Variants in CLIC5 observed in about 807,000 individuals in gnomAD.
CLIC5 encodes chloride intracellular channel protein 5.
CLIC5 carries 20 observed loss-of-function variants against 24.7 expected under a neutral mutation model. That is an observed-to-expected ratio of 0.81 (90% CI 0.57 to 1.18). CLIC5 has a LOEUF of 1.18. CLIC5 is among the 50% of genes most tolerant of loss of function. CLIC5 has a pLI of 0.00. For missense variants in CLIC5, 341 were observed against 326.1 expected, an observed-to-expected ratio of 1.05 and a Z score of -0.35; for synonymous variants, 159 against 135.6, an observed-to-expected ratio of 1.17 and a Z score of -1.20.
the CLIC5 span, among the ~76,000 whole-genome samples, chr6:46,112,320 T>A: frequency 6.6e-6 from 1 of 152,184 alleles, no homozygotes; most frequent in Non-Finnish European, 1.5e-5. Flanking sequence ...AAGAAACATT[T>A]ACCATCTATT....
chr6:46,009,248 T>C (rs1262090471), intron 1 of CLIC5, among the ~76,000 whole-genome samples: 1 of 152,062 alleles, frequency 6.6e-6, no homozygotes, highest in African/African-American at 2.4e-5. Context: ...CATTTCTTTT[T>C]ACAGGGAAGA....
At chr6:45,896,252 T>C (rs910434272), downstream of CLIC5, among the ~76,000 whole-genome samples, 3 of 152,244 alleles carry the variant, frequency 2.0e-5, no homozygotes, top group South Asian at 2.1e-4. Flanking sequence ...TATTGGCTTC[T>C]TTCCATTAAA....
Position 46,015,514 on chromosome 6 carries a change from T to C in CLIC5, c.29A>G (p.Asp10Gly). Reference protein sequence around the residue: MTDSATANGDDRDPEIELFV... With the variant: MTDSATANGGDRDPEIELFV... ...GAGCTCGATCTCGGGGTCCCTGTCG[T>C]CCCCGTTAGCTGTCGCCGAGTCTGT... Residue 10 changes from aspartate (D) to glycine (G), a missense_variant, in exon 1 of 6, where the codon GAC becomes GGC. Physicochemically the swap from Asp to Gly is moderately conservative, Grantham distance 94 (BLOSUM62 -1). Coordinates refer to ENST00000339561, the MANE Select transcript of CLIC5 (RefSeq NM_016929.5). 1 of 1,575,156 alleles carries C rather than the reference T, an allele frequency of 6.3e-7. No homozygotes were observed. The highest frequency in any genetic ancestry group is 8.6e-7 in the Non-Finnish European group (1 of 1,162,148).
At chr6:46,118,872 G>A in the CLIC5 span, among the ~76,000 whole-genome samples, 2 of 152,186 alleles carry the variant, frequency 1.3e-5, no homozygotes, top group Non-Finnish European at 2.9e-5. Flanking sequence ...GCATAATTAA[G>A]TAAGGGTCTT....
chr6:46,111,461 C>T, the CLIC5 span, among the ~76,000 whole-genome samples: 1 of 152,102 alleles, frequency 6.6e-6, no homozygotes, highest in African/African-American at 2.4e-5. Context: ...AAGATGTTTG[C>T]CATATATAGA....
intron 6 of CLIC5, chr6:45,881,205 A>T (rs1405737107): frequency 2.5e-6 from 1 of 398,238 alleles, no homozygotes; most frequent in Non-Finnish European, 4.4e-6. Flanking sequence ...GTAAAGAAAC[A>T]ACAGGATTTG....
chr6:46,058,586 A>T (rs538893932), intron 1 of CLIC5, among the ~76,000 whole-genome samples: 1 of 152,358 alleles, frequency 6.6e-6, no homozygotes, highest in African/African-American at 2.4e-5. Context: ...ATATGTGCAA[A>T]GTGCCATGGG....
chr6:46,054,708 C>A (rs897483580), intron 1 of CLIC5, among the ~76,000 whole-genome samples: 4 of 152,206 alleles, frequency 2.6e-5, no homozygotes, highest in Non-Finnish European at 5.9e-5. Context: ...GTTTACTATC[C>A]TTTTAAGAAG....
intron 1 of CLIC5, among the ~76,000 whole-genome samples, chr6:46,028,765 G>C (rs1478081003): frequency 6.6e-6 from 1 of 152,186 alleles, no homozygotes; most frequent in Non-Finnish European, 1.5e-5. Context: ...CATCACCAGA[G>C]TGGTACATTT....
chr6:45,941,897 A>G (rs1287604908), intron 3 of CLIC5, among the ~76,000 whole-genome samples: 1 of 152,116 alleles, frequency 6.6e-6, no homozygotes, highest in African/African-American at 2.4e-5. Context: ...TAGGCAAAGA[A>G]CCAGAATGCC....
chr6:46,089,015 A>C, the CLIC5 span, among the ~76,000 whole-genome samples: 1 of 152,284 alleles, frequency 6.6e-6, no homozygotes, highest in Admixed American at 6.5e-5. Context: ...GATTTTGTCT[A>C]ATTTTCCTTT....
chr6:46,064,513 T>C (rs544079787), intron 1 of CLIC5, among the ~76,000 whole-genome samples: 17 of 152,050 alleles, frequency 1.1e-4, no homozygotes, highest in Non-Finnish European at 2.4e-4. Context: ...TTTAACAAAA[T>C]TGTAGCAAAT....
intron 1 of CLIC5, among the ~76,000 whole-genome samples, chr6:45,996,931 T>C (rs1232573604): frequency 1.3e-5 from 2 of 152,078 alleles, no homozygotes; most frequent in Non-Finnish European, 2.9e-5. Flanking sequence ...TCAACCATTG[T>C]GGAAGTCAGT....
chr6:46,041,791 C>T (rs183379124), intron 1 of CLIC5, among the ~76,000 whole-genome samples: 1 of 152,274 alleles, frequency 6.6e-6, no homozygotes, highest in Admixed American at 6.5e-5. Flanking sequence ...TAGCAACTAA[C>T]TTGTTGGGTG....
At chr6:46,054,003 A>G (rs552731891) in intron 1 of CLIC5, among the ~76,000 whole-genome samples, 1 of 152,268 alleles carries the variant, frequency 6.6e-6, no homozygotes, top group Non-Finnish European at 1.5e-5. Context: ...GTCAGTTCCT[A>G]TTCAAAACCT....
At chr6:45,938,821 T>C (rs748047311) in intron 4 of CLIC5, among the ~76,000 whole-genome samples, 1 of 152,160 alleles carries the variant, frequency 6.6e-6, no homozygotes, top group Non-Finnish European at 1.5e-5. Context: ...AAGAAGATAT[T>C]TGTGGCTAAG....
chr6:46,005,036 C>G (rs188762121), intron 1 of CLIC5, among the ~76,000 whole-genome samples: 190 of 152,328 alleles, frequency 1.2e-3, no homozygotes, highest in Non-Finnish European at 2.4e-3. Context: ...GGGGCCCATG[C>G]ACACTGGCAG....
intron 1 of CLIC5, among the ~76,000 whole-genome samples, chr6:46,005,974 A>G (rs1766538411): frequency 7.8e-6 from 1 of 128,324 alleles, no homozygotes; most frequent in African/African-American, 3.1e-5. Flanking sequence ...GACAGAGCCT[A>G]TGTGTGTATA....
intron 1 of CLIC5, among the ~76,000 whole-genome samples, chr6:46,043,390 A>T (rs2127461551): frequency 6.6e-6 from 1 of 152,334 alleles, no homozygotes; most frequent in South Asian, 2.1e-4. Flanking sequence ...AACCAGGTTA[A>T]TGTCTTCATT....
Sources: gnomAD v4.1 joint callset for allele counts (sites outside exome capture counted in the v4.1 genomes callset) on GRCh38, gnomAD v4.1.1 for gene constraint, MANE v1.5 for transcripts, NCBI Gene and HGNC (gene_info 2026-07-23, HGNC 2026-07-21) for gene names.